Variants in CACNB2 observed in about 807,000 individuals in gnomAD.
CACNB2 encodes voltage-dependent L-type calcium channel subunit beta-2.
Under a neutral mutation model 73.3 loss-of-function variants are expected in CACNB2, and 42 were observed. The ratio of observed to expected loss-of-function variants is 0.57; its 90% confidence interval spans 0.45 to 0.74. The LOEUF is 0.74. Ranked by LOEUF, CACNB2 falls within the 30% of genes least tolerant of loss-of-function variation. The pLI is 0.00. For synonymous variants in CACNB2, 348 were observed against 310.3 expected, an observed-to-expected ratio of 1.12 and a Z score of -1.28; for missense variants, 940 against 853.0, an observed-to-expected ratio of 1.10 and a Z score of -1.27.
At chr10:18,142,836 T>A (rs768360855) in intron 1 of CACNB2, among the ~76,000 whole-genome samples, 1 of 152,196 alleles carries the variant, frequency 6.6e-6, no homozygotes, top group African/African-American at 2.4e-5. Flanking sequence ...AATTAGGATA[T>A]ATGTATAGGG....
chr10:18,227,765 C>T (rs752523057), intron 2 of CACNB2, among the ~76,000 whole-genome samples: 51 of 152,116 alleles, frequency 3.4e-4, no homozygotes, highest in Non-Finnish European at 6.0e-4. Flanking sequence ...CGTGCCTCAC[C>T]GCCTATAATT....
At position 18,325,678 on chromosome 10, in the gene CACNB2, C is replaced by T. The variant is rs2040559191; in HGVS notation, c.214-76246C>T. Among the ~76,000 whole-genome samples, 3 of 108,224 alleles carry T rather than the reference C, an allele frequency of 2.8e-5. No individual in the cohort carries two copies. In the South Asian group the frequency reaches 1.1e-3, roughly 38 times the overall value. 71.0% of individuals were successfully genotyped at this position (108,224 alleles called of 152,430 possible). A position where few individuals can be genotyped will look rare whatever the true frequency, so the allele number is the denominator to read the frequency against. ...CTCTCTCTCTCTTTCTTTCTCTTTC[C>T]CTCCCTCCCTCCCTTCCTTCCTTCC... On this transcript the variant is annotated intron_variant, in intron 2 of 13. Transcript: ENST00000324631.
At chr10:18,383,491 G>A (rs76184557) in intron 2 of CACNB2, among the ~76,000 whole-genome samples, 120 of 152,288 alleles carry the variant, frequency 7.9e-4, no homozygotes, top group African/African-American at 2.8e-3. Context: ...TGTTCATAGA[G>A]GTGTATAACA....
chr10:18,367,067 C>T (rs562653811), intron 2 of CACNB2, among the ~76,000 whole-genome samples: 145 of 152,288 alleles, frequency 9.5e-4, no homozygotes, highest in African/African-American at 3.3e-3. Flanking sequence ...ACTACGATGA[C>T]GATGAGCCTT....
At chr10:18,152,894 C>T (rs2031725343) in intron 2 of CACNB2, among the ~76,000 whole-genome samples, 1 of 151,974 alleles carries the variant, frequency 6.6e-6, no homozygotes, top group Non-Finnish European at 1.5e-5. Flanking sequence ...CGTTATTAGT[C>T]ATTTAATCCC....
At chr10:18,464,543 G>A (rs925716818) in intron 3 of CACNB2, among the ~76,000 whole-genome samples, 19 of 151,338 alleles carry the variant, frequency 1.3e-4, no homozygotes, top group African/African-American at 4.6e-4. Context: ...ACCCAAATCG[G>A]AGCACCTGAT....
At chr10:18,251,136 G>A (rs2037071292) in intron 2 of CACNB2, among the ~76,000 whole-genome samples, 1 of 152,192 alleles carries the variant, frequency 6.6e-6, no homozygotes, top group South Asian at 2.1e-4. Context: ...TTCATTCAGT[G>A]TCTAAAACTC....
intron 2 of CACNB2, among the ~76,000 whole-genome samples, chr10:18,384,007 T>C (rs964946631): frequency 5.9e-5 from 9 of 152,126 alleles, no homozygotes; most frequent in African/African-American, 2.2e-4. Flanking sequence ...CGCCCAGCCA[T>C]AGAATGCTGT....
At chr10:18,496,814 C>CA (rs905870687) in intron 3 of CACNB2, among the ~76,000 whole-genome samples, 10,616 of 44,586 alleles carry the variant, frequency 0.24, 1,564 homozygotes, top group African/African-American at 0.32. Context: ...AACTCCGCCT[C>CA]AAAAAAAAAA....
chr10:18,502,969 G>GA (rs976491786), intron 5 of CACNB2, among the ~76,000 whole-genome samples: 23 of 151,656 alleles, frequency 1.5e-4, no homozygotes, highest in Admixed American at 1.2e-3. Flanking sequence ...AGTAAAAAAA[G>GA]AAAAAAAAGT....
At chr10:18,501,062 A>G (rs2050167974) in intron 5 of CACNB2, 114 bp downstream of exon 5, 1 of 1,068,354 alleles carries the variant, frequency 9.4e-7, no homozygotes, top group African/African-American at 1.6e-5. Context: ...GGCTGGTAAT[A>G]TGGTTTATTG....
chr10:18,200,650 C>T (rs189044012), intron 2 of CACNB2, among the ~76,000 whole-genome samples: 82 of 152,060 alleles, frequency 5.4e-4, no homozygotes, highest in Non-Finnish European at 7.5e-4. Context: ...CCTTTTTCCC[C>T]GCGGTAGAAG....
At chr10:18,157,185 T>C (rs2032119871) in intron 2 of CACNB2, among the ~76,000 whole-genome samples, 1 of 152,240 alleles carries the variant, frequency 6.6e-6, no homozygotes, top group Admixed American at 6.5e-5. Context: ...GAACGTATAA[T>C]TTCTATATTT....
chr10:18,380,594 A>G (rs1002412668), intron 2 of CACNB2, among the ~76,000 whole-genome samples: 1 of 151,354 alleles, frequency 6.6e-6, no homozygotes, highest in Non-Finnish European at 1.5e-5. Flanking sequence ...AGCTGAGACT[A>G]TAGGCACGTG....
At chr10:18,533,223 G>A (rs978172015) in intron 10 of CACNB2, 3 of 152,170 alleles carry the variant, frequency 2.0e-5, no homozygotes, top group Non-Finnish European at 2.9e-5. Context: ...GACCTATGCT[G>A]CCTAGTAATA....
At chr10:18,348,869 A>G (rs1371451771) in intron 2 of CACNB2, among the ~76,000 whole-genome samples, 2 of 152,172 alleles carry the variant, frequency 1.3e-5, no homozygotes, top group Non-Finnish European at 2.9e-5. Context: ...CTGTAATCCT[A>G]GCACTTTAGG....
chr10:18,473,600 G>T (rs1215384866), intron 3 of CACNB2, among the ~76,000 whole-genome samples: 4 of 152,142 alleles, frequency 2.6e-5, no homozygotes, highest in Non-Finnish European at 4.4e-5. Context: ...TTAGTGTCTG[G>T]AGCCATCAGT....
At chr10:18,223,037 C>T (rs982040086) in intron 2 of CACNB2, among the ~76,000 whole-genome samples, 1 of 152,112 alleles carries the variant, frequency 6.6e-6, no homozygotes. Context: ...ATAAATGACT[C>T]AAAAATCCCA....
chr10:18,173,720 A>G lies in CACNB2; in HGVS notation c.213+22745A>G, dbSNP rs1461163599. ...TTTCTACTTCTTCTAACCTTTTAGTATGATATGTTTTCTAAGCCTAAAAGG... is the reference window on the plus strand; with the variant it reads ...TTTCTACTTCTTCTAACCTTTTAGTGTGATATGTTTTCTAAGCCTAAAAGG... On this transcript the variant is annotated intron_variant, in intron 2 of 13. Transcript: ENST00000324631. Among the ~76,000 whole-genome samples, 6 of 152,180 alleles carry G rather than the reference A, an allele frequency of 3.9e-5. No homozygotes were observed. In the East Asian group the frequency reaches 9.6e-4, roughly 24 times the overall value.
Sources: gnomAD v4.1 joint callset for allele counts (sites outside exome capture counted in the v4.1 genomes callset) on GRCh38, gnomAD v4.1.1 for gene constraint, MANE v1.5 for transcripts, NCBI Gene and HGNC (gene_info 2026-07-23, HGNC 2026-07-21) for gene names.